The following GPD2 variants were observed in gnomAD, a reference collection of about 807,000 sequenced individuals.
GPD2 encodes the protein glycerol-3-phosphate dehydrogenase, mitochondrial.
GPD2 carries 54 observed loss-of-function variants against 82.4 expected under a neutral mutation model. The observed-to-expected ratio is 0.66, with a 90% confidence interval of 0.53 to 0.82. GPD2 has a LOEUF of 0.82. GPD2 is among the 40% of genes least tolerant of loss of function. The pLI is 0.00. For missense variants in GPD2, 748 were observed against 896.2 expected (o/e 0.83, Z 2.11); for synonymous variants, 288 against 306.1 (o/e 0.94, Z 0.62).
chr2:156,518,092 T>C lies in GPD2; in HGVS notation c.661+4596T>C, dbSNP rs113926632. ...TAAATAAAAGTTGGTTACATCCATA[T>C]TTCAAAGGGGGAATTAAAGCCCAGG... On this transcript the variant is annotated intron_variant, in intron 6 of 16. Transcript: ENST00000438166. 5.9e-5 allele frequency among the ~76,000 whole-genome samples: 9 copies of C among 152,336 alleles called. 1 individual carries two copies. The highest frequency in any genetic ancestry group is 1.9e-4 in the African/African-American group (8 of 41,570).
chr2:156,422,803 T>C, the GPD2 span, among the ~76,000 whole-genome samples: 1 of 152,074 alleles, frequency 6.6e-6, no homozygotes, highest in African/African-American at 2.4e-5. Flanking sequence ...TCACATTTCT[T>C]GTCACTGAAT....
In GPD2 at chr2:156,513,463, G is replaced by A; in HGVS notation, c.628G>A (p.Asp210Asn). The change falls in exon 6 of 17, where the codon GAC becomes AAC. Residue 210 changes from aspartate (D) to asparagine (N), a missense_variant. Coordinates refer to ENST00000438166, the MANE Select transcript of GPD2 (RefSeq NM_000408.5). Reference protein sequence around the residue: ...ALEHFPMLQKDKLVGAIVYYD... With the variant: ...ALEHFPMLQKNKLVGAIVYYD... The stretch of plus-strand genomic sequence containing the variant: ...TGAACATTTCCCAATGCTCCAGAAG[G>A]ACAAACTGGTAGGAGCAATTGTCTA... The A allele has an allele frequency of 6.2e-7, 1 of 1,611,840 alleles. No individual in the cohort carries two copies. The highest frequency in any genetic ancestry group is 8.5e-7 in the Non-Finnish European group (1 of 1,179,270).
chr2:156,468,217 G>A (rs1024223605), intron 1 of GPD2, among the ~76,000 whole-genome samples: 4 of 152,136 alleles, frequency 2.6e-5, no homozygotes, highest in Non-Finnish European at 5.9e-5. Context: ...GGTGCTGCTG[G>A]GAGGGAAGAG....
At chr2:156,504,287 A>G (rs1684704311) in intron 3 of GPD2, among the ~76,000 whole-genome samples, 1 of 152,116 alleles carries the variant, frequency 6.6e-6, no homozygotes, top group Non-Finnish European at 1.5e-5. Flanking sequence ...CCTTCCCATA[A>G]AATGTTCAGC....
chr2:156,404,785 C>G, the GPD2 span, among the ~76,000 whole-genome samples: 2 of 147,094 alleles, frequency 1.4e-5, no homozygotes, highest in African/African-American at 5.0e-5. Flanking sequence ...ACCCAGGAGG[C>G]AGAGATTGCG....
At chr2:156,401,146 T>A in the GPD2 span, among the ~76,000 whole-genome samples, 1 of 152,200 alleles carries the variant, frequency 6.6e-6, no homozygotes, top group East Asian at 1.9e-4. Context: ...AAGTCAAAAC[T>A]TGCATTGGCC....
chr2:156,550,546 C>T, intron 7 of GPD2, 56 bp from the exon 8 acceptor site: 1 of 1,555,338 alleles, frequency 6.4e-7, no homozygotes, highest in East Asian at 2.2e-5. Context: ...TAATACACAG[C>T]ATCCGTTAAC....
chr2:156,414,922 A>G, the GPD2 span, among the ~76,000 whole-genome samples: 1 of 152,156 alleles, frequency 6.6e-6, no homozygotes, highest in Non-Finnish European at 1.5e-5. Context: ...ATATCTAACT[A>G]GATTCAGAAA....
chr2:156,469,795 A>C (rs1003119884), intron 1 of GPD2, among the ~76,000 whole-genome samples: 1 of 152,192 alleles, frequency 6.6e-6, no homozygotes, highest in Non-Finnish European at 1.5e-5. Flanking sequence ...AACCCTGAGA[A>C]GTTCTAAACT....
chr2:156,450,665 C>T (rs1274276295), intron 1 of GPD2, among the ~76,000 whole-genome samples: 21 of 71,658 alleles, frequency 2.9e-4, no homozygotes, highest in South Asian at 2.3e-3. Context: ...ATAGACAACT[C>T]TTTTTTTTTT....
chr2:156,510,310 T>C (rs1200910845), intron 3 of GPD2, among the ~76,000 whole-genome samples: 1 of 152,170 alleles, frequency 6.6e-6, no homozygotes, highest in African/African-American at 2.4e-5. Context: ...TCCAGATGCA[T>C]TTCTCAACAG....
chr2:156,531,599 C>T (rs1424386192), intron 6 of GPD2, among the ~76,000 whole-genome samples: 1 of 152,232 alleles, frequency 6.6e-6, no homozygotes. Flanking sequence ...TCGTGTGGCA[C>T]CTGCATGTGG....
At chr2:156,492,227 C>T (rs1305178179) in intron 2 of GPD2, among the ~76,000 whole-genome samples, 2 of 119,628 alleles carry the variant, frequency 1.7e-5, no homozygotes, top group East Asian at 5.7e-4. Flanking sequence ...GATCTCGGCT[C>T]ACTGCAGCCT....
intron 2 of GPD2, among the ~76,000 whole-genome samples, chr2:156,491,792 G>A (rs527531394): frequency 6.6e-6 from 1 of 152,176 alleles, no homozygotes; most frequent in African/African-American, 2.4e-5. Flanking sequence ...GGAGCCCGAG[G>A]CTGGTGGATC....
Position 156,583,132 on chromosome 2 carries a change from ATTTT to A in GPD2, c.*218_*221del, listed in dbSNP as rs550730379. On this transcript the variant is annotated 3_prime_UTR_variant, in exon 17 of 17. Coordinates refer to ENST00000438166, the MANE Select transcript of GPD2 (RefSeq NM_000408.5). ...GCCATTCAGTCTAGCTTTTAAGTAT[ATTTT>A]TTTCTTTTTCTCATTTTCAATGCAC... The A allele has an allele frequency of 5.4e-6, 3 of 554,006 alleles. No homozygotes were observed. The highest frequency in any genetic ancestry group is 9.6e-6 in the Non-Finnish European group (3 of 312,208). The allele number at this position is 554,006 out of a possible 1,614,324, so 34.3% of individuals were successfully genotyped here.
At chr2:156,501,037 A>G (rs1684570119) in intron 3 of GPD2, among the ~76,000 whole-genome samples, 1 of 152,064 alleles carries the variant, frequency 6.6e-6, no homozygotes, top group South Asian at 2.1e-4. Context: ...ATTCACTCCC[A>G]CAGGTTCTTC....
At chr2:156,452,239 G>A (rs1477444634) in intron 1 of GPD2, among the ~76,000 whole-genome samples, 2 of 152,208 alleles carry the variant, frequency 1.3e-5, no homozygotes, top group African/African-American at 4.8e-5. Context: ...CCGAGATCAC[G>A]CCACCTCACT....
At chr2:156,412,437 TAA>T in the GPD2 span, among the ~76,000 whole-genome samples, 24 of 143,132 alleles carry the variant, frequency 1.7e-4, no homozygotes, top group African/African-American at 3.9e-4. Context: ...ACTTCGTCTG[TAA>T]AAAAAAAAAA....
intron 3 of GPD2, among the ~76,000 whole-genome samples, chr2:156,500,387 A>C (rs895778849): frequency 6.6e-6 from 1 of 152,138 alleles, no homozygotes; most frequent in Non-Finnish European, 1.5e-5. Flanking sequence ...TGAAGTGTGA[A>C]ATAATCATGG....
Sources: allele counts gnomAD v4.1 joint callset (sites outside exome capture counted in the v4.1 genomes callset), GRCh38; gene constraint gnomAD v4.1.1; transcripts MANE v1.5; gene names NCBI Gene and HGNC (gene_info 2026-07-23, HGNC 2026-07-21).